The following COL4A5 variants were observed in gnomAD, a reference collection of about 807,000 sequenced individuals.
The protein encoded by COL4A5 is collagen alpha-5(IV) chain.
In COL4A5, 26 loss-of-function variants were observed where a neutral mutation model predicts 130.2. The observed-to-expected ratio is 0.20, with a 90% CI of 0.15 to 0.28. The LOEUF (loss-of-function observed/expected upper bound fraction) is 0.28, where lower values mean the gene tolerates loss of function less well. COL4A5 is among the 10% of genes least tolerant of loss of function. COL4A5 has a pLI of 1.00. For missense variants in COL4A5, 1,131 were observed against 1,344.3 expected (o/e 0.84, Z 2.48); for synonymous variants, 496 against 439.6 (o/e 1.13, Z -1.60).
At chrX:108,643,373 A>G (rs751063543) in intron 36 of COL4A5, among the ~76,000 whole-genome samples, 14 of 111,976 alleles carry the variant, frequency 1.3e-4, no homozygotes, top group Middle Eastern at 4.6e-3. Flanking sequence ...AACACCTGGG[A>G]AATTCATCAC....
At chrX:108,529,943 A>G (rs2065363882) in intron 1 of COL4A5, among the ~76,000 whole-genome samples, 1 of 111,652 alleles carries the variant, frequency 9.0e-6, no homozygotes, top group Non-Finnish European at 1.9e-5. Flanking sequence ...ATAGATGACA[A>G]TACAATCAAA....
intron 1 of COL4A5, among the ~76,000 whole-genome samples, chrX:108,524,981 T>C (rs932873156): frequency 8.9e-6 from 1 of 111,833 alleles, no homozygotes; most frequent in Non-Finnish European, 1.9e-5. Flanking sequence ...TTGGGCAGAG[T>C]GTTGAATAGA....
intron 1 of COL4A5, among the ~76,000 whole-genome samples, chrX:108,531,002 A>G (rs1216324444): frequency 3.9e-5 from 4 of 101,638 alleles, no homozygotes; most frequent in Non-Finnish European, 6.0e-5. Context: ...AATGTGGCAC[A>G]TATACACCAT....
Position 108,601,436 on chromosome X carries a change from G to A in COL4A5, c.1992G>A (p.Lys664=), listed in dbSNP as rs34077552. 1.7e-6 allele frequency: 2 copies of A among 1,207,430 alleles called. No homozygotes were observed. The highest frequency in any genetic ancestry group is 2.2e-5 in the Admixed American group (1 of 45,870). The change falls in exon 26 of 53, where the codon AAG becomes AAA. Residue 664 remains lysine (K), a synonymous_variant. Transcript: ENST00000328300. Reference sequence around the variant, plus strand: ...GTCAGACTATAACCCAGCCGGGGAAGCCTGGCTTGCCTGGTAACCCAGGCA... The same window carrying A: ...GTCAGACTATAACCCAGCCGGGGAAACCTGGCTTGCCTGGTAACCCAGGCA... ...DPGQTITQPG[K]PGLPGNPGRD...
intron 42 of COL4A5, chrX:108,670,580 G>A (rs1349934638): frequency 3.9e-5 from 13 of 331,481 alleles, no homozygotes; most frequent in East Asian, 7.5e-5. Flanking sequence ...TAATGCAAAC[G>A]AATTGAACTA....
chrX:108,455,803 G>T lies in COL4A5; in HGVS notation c.81+15597G>T, dbSNP rs373527150. On this transcript the variant is annotated intron_variant, in intron 1 of 52. Transcript: ENST00000328300. The stretch of plus-strand genomic sequence containing the variant: ...AAATCAATGGAATGTGTATATGCAG[G>T]TGTAGGTTGAAACTCACTAGTCTGT... Among the ~76,000 whole-genome samples the T allele has an allele frequency of 6.2e-4, 69 of 111,746 alleles. 1 individual carries two copies. The highest frequency in any genetic ancestry group is 2.1e-3 in the African/African-American group (65 of 30,829).
chrX:108,641,586 A>G (rs2067468122), intron 36 of COL4A5, among the ~76,000 whole-genome samples: 1 of 112,267 alleles, frequency 8.9e-6, no homozygotes, highest in African/African-American at 3.2e-5. Flanking sequence ...ATAGAAGTGG[A>G]AAGTGGAGAT....
Position 108,621,899 on chromosome X carries a change from A to G in COL4A5, c.2767+7A>G, listed in dbSNP as rs775161237. ...GGTGTACCTGGTCTTAAAGGTAATAATCAAGGTTTGCTGCCAGACGTATGT... is the reference window on the plus strand; with the variant it reads ...GGTGTACCTGGTCTTAAAGGTAATAGTCAAGGTTTGCTGCCAGACGTATGT... On this transcript the variant is annotated splice_region_variant and intron_variant, in intron 32 of 52. Coordinates refer to ENST00000328300, the MANE Select transcript of COL4A5 (RefSeq NM_033380.3). 53 of 1,165,928 alleles carry G rather than the reference A, an allele frequency of 4.5e-5. No individual in the cohort carries two copies. The highest frequency in any genetic ancestry group is 6.2e-5 in the Non-Finnish European group (53 of 855,682).
At chrX:108,547,710 G>C (rs1252346346) in intron 2 of COL4A5, among the ~76,000 whole-genome samples, 2 of 111,980 alleles carry the variant, frequency 1.8e-5, no homozygotes, top group Non-Finnish European at 3.8e-5. Context: ...CCCAGAGGTG[G>C]AGTCTACAGA....
chrX:108,508,474 A>G (rs1423882258), intron 1 of COL4A5, among the ~76,000 whole-genome samples: 1 of 106,760 alleles, frequency 9.4e-6, no homozygotes, highest in Non-Finnish European at 1.9e-5. Flanking sequence ...AATGCAATTT[A>G]CAGATTCAGT....
chrX:108,563,859 C>T (rs779043844), intron 3 of COL4A5, 23 bp from the exon 4 acceptor site: 2 of 1,198,505 alleles, frequency 1.7e-6, no homozygotes, highest in African/African-American at 1.8e-5. Flanking sequence ...CGGACAAAAA[C>T]CTAAAAATAT....
chrX:108,621,101 T>C (rs1256970467), intron 31 of COL4A5, among the ~76,000 whole-genome samples: 2 of 107,423 alleles, frequency 1.9e-5, no homozygotes, highest in African/African-American at 3.4e-5. Flanking sequence ...CTTTCTTTCT[T>C]TCCTTTTCTT....
At chrX:108,662,745 G>A (rs1401832476) in intron 37 of COL4A5, among the ~76,000 whole-genome samples, 1 of 111,993 alleles carries the variant, frequency 8.9e-6, no homozygotes, top group East Asian at 2.8e-4. Flanking sequence ...CATGCTCATG[G>A]ATAGAAAGAA....
At chrX:108,631,915 G>C (rs2067268601) in intron 36 of COL4A5, among the ~76,000 whole-genome samples, 1 of 111,013 alleles carries the variant, frequency 9.0e-6, no homozygotes, top group Admixed American at 9.6e-5. Context: ...TCAATTAAAA[G>C]AACCAGAGAA....
At chrX:108,578,164 T>A in intron 12 of COL4A5, 45 bp downstream of exon 12, 3 of 1,177,498 alleles carry the variant, frequency 2.5e-6, no homozygotes, top group Non-Finnish European at 3.5e-6. Flanking sequence ...CAGCTTTCTC[T>A]TTTTGTAGTC....
chrX:108,505,509 C>G (rs958279644), intron 1 of COL4A5, among the ~76,000 whole-genome samples: 1 of 111,151 alleles, frequency 9.0e-6, no homozygotes, highest in Non-Finnish European at 1.9e-5. Flanking sequence ...CCCAAGGTAA[C>G]TGTATATGGA....
At chrX:108,516,649 A>T (rs189023223) in intron 1 of COL4A5, among the ~76,000 whole-genome samples, 1 of 112,071 alleles carries the variant, frequency 8.9e-6, no homozygotes. Flanking sequence ...CAGTAAGGCT[A>T]TATCTGTTGA....
intron 36 of COL4A5, among the ~76,000 whole-genome samples, chrX:108,654,603 G>A (rs757514172): frequency 8.7e-4 from 97 of 111,907 alleles, no homozygotes; most frequent in African/African-American, 3.0e-3. Flanking sequence ...GCACCACTAC[G>A]CCCAGCTGAT....
intron 36 of COL4A5, among the ~76,000 whole-genome samples, chrX:108,653,206 A>G (rs1190332689): frequency 1.8e-5 from 2 of 111,349 alleles, no homozygotes; most frequent in Non-Finnish European, 3.8e-5. Flanking sequence ...GGTTTGAAGG[A>G]GTAGGGCCAT....
Sources: allele counts gnomAD v4.1 joint callset (sites outside exome capture counted in the v4.1 genomes callset), GRCh38; gene constraint gnomAD v4.1.1; transcripts MANE v1.5; gene names NCBI Gene and HGNC (gene_info 2026-07-23, HGNC 2026-07-21).